MMP26: variants seen among roughly 807,000 people sequenced by gnomAD.
The protein encoded by MMP26 is matrix metallopeptidase 26, also known as matrix metalloproteinase-26.
MMP26 carries 33 observed loss-of-function variants against 31.0 expected under a neutral mutation model. The observed-to-expected ratio is 1.06, with a 90% CI of 0.81 to 1.42. The LOEUF is 1.42. Ranked by LOEUF, MMP26 falls within the 40% of genes most tolerant of loss-of-function variation. The pLI is 0.00. For synonymous variants in MMP26, 122 were observed against 114.9 expected, an observed-to-expected ratio of 1.06 and a Z score of -0.40; for missense variants, 347 against 316.1, an observed-to-expected ratio of 1.10 and a Z score of -0.74.
intron 2 of MMP26, among the ~76,000 whole-genome samples, chr11:4,935,014 C>T (rs1851412986): frequency 1.3e-5 from 2 of 151,730 alleles, no homozygotes; most frequent in East Asian, 1.9e-4. Flanking sequence ...TAGTGTGATG[C>T]CTCCAGCTTT....
At chr11:4,763,086 T>C (rs6578525) in intron 1 of MMP26, among the ~76,000 whole-genome samples, 32,923 of 152,044 alleles carry the variant, frequency 0.22, 5,079 homozygotes, top group African/African-American at 0.44. Flanking sequence ...ACATCTATGT[T>C]GAAAATAAGT....
At chr11:4,804,549 T>TATGTTACAACATGACATG in intron 2 of MMP26, 1 of 781,430 alleles carries the variant, frequency 1.3e-6, no homozygotes, top group Non-Finnish European at 2.4e-6. Flanking sequence ...TAATAAATAA[T>TATGTTACAACATGACATG]ATGTTACAAC....
chr11:4,840,626 G>A (rs969368498), intron 2 of MMP26, among the ~76,000 whole-genome samples: 1 of 152,196 alleles, frequency 6.6e-6, no homozygotes, highest in Admixed American at 6.5e-5. Flanking sequence ...TGGGCTTGGG[G>A]TTACCCCTAA....
chr11:4,773,756 A>G (rs1303518191), intron 2 of MMP26, among the ~76,000 whole-genome samples: 3 of 152,016 alleles, frequency 2.0e-5, no homozygotes, highest in African/African-American at 7.3e-5. Flanking sequence ...CCCAGAATGC[A>G]TTAGCTATTT....
intron 1 of MMP26, among the ~76,000 whole-genome samples, chr11:4,715,305 A>C (rs1050924579): frequency 6.6e-6 from 1 of 150,658 alleles, no homozygotes; most frequent in Non-Finnish European, 1.5e-5. Context: ...ATATCGTTTC[A>C]TCAAGCTGTT....
At chr11:4,884,545 T>C (rs977495612) in intron 2 of MMP26, among the ~76,000 whole-genome samples, 1 of 152,118 alleles carries the variant, frequency 6.6e-6, no homozygotes, top group Non-Finnish European at 1.5e-5. Flanking sequence ...GAGAGTATCA[T>C]ACTATGGCAG....
intron 2 of MMP26, among the ~76,000 whole-genome samples, chr11:4,985,426 T>G (rs1270116454): frequency 2.0e-5 from 3 of 152,202 alleles, no homozygotes; most frequent in Non-Finnish European, 4.4e-5. Flanking sequence ...TCTTGCCTTT[T>G]TCAGATTAAC....
At chr11:4,816,451 G>A (rs1231462908) in intron 2 of MMP26, among the ~76,000 whole-genome samples, 2 of 151,862 alleles carry the variant, frequency 1.3e-5, no homozygotes, top group East Asian at 1.9e-4. Flanking sequence ...CTGAAAGTAG[G>A]ATGTTGAAGT....
At chr11:4,771,499 C>T (rs1226116433) in intron 2 of MMP26, among the ~76,000 whole-genome samples, 1 of 152,144 alleles carries the variant, frequency 6.6e-6, no homozygotes, top group Non-Finnish European at 1.5e-5. Flanking sequence ...GCAATTGGCT[C>T]AGTAAACAGA....
chr11:4,858,729 G>C (rs1299148733), intron 2 of MMP26, among the ~76,000 whole-genome samples: 1 of 152,056 alleles, frequency 6.6e-6, no homozygotes, highest in African/African-American at 2.4e-5. Context: ...CTACTTTAAA[G>C]TTCATATGGA....
At chr11:4,853,111 AGT>A (rs1849998133) in intron 2 of MMP26, among the ~76,000 whole-genome samples, 1 of 152,150 alleles carries the variant, frequency 6.6e-6, no homozygotes, top group African/African-American at 2.4e-5. Flanking sequence ...AAGATGTGTA[AGT>A]GTTAGAGGCT....
intron 2 of MMP26, among the ~76,000 whole-genome samples, chr11:4,777,569 G>A (rs1464836494): frequency 6.6e-6 from 1 of 152,014 alleles, no homozygotes; most frequent in Admixed American, 6.6e-5. Context: ...TCCAGATAAA[G>A]AAATGAAAAA....
intron 2 of MMP26, among the ~76,000 whole-genome samples, chr11:4,894,267 A>G (rs1850670208): frequency 6.6e-6 from 1 of 152,194 alleles, no homozygotes. Context: ...TGATTTACAG[A>G]TTTGAAAACT....
At chr11:4,797,905 C>G (rs28397947) in intron 2 of MMP26, among the ~76,000 whole-genome samples, 2,942 of 152,168 alleles carry the variant, frequency 0.019, 51 homozygotes, top group South Asian at 0.069. Flanking sequence ...TTCCCATTCT[C>G]TGCCACTATT....
intron 2 of MMP26, among the ~76,000 whole-genome samples, chr11:4,883,222 A>C (rs1368503171): frequency 8.3e-6 from 1 of 120,086 alleles, no homozygotes; most frequent in Admixed American, 8.7e-5. Flanking sequence ...TTTTATTTTC[A>C]CATCCAGCTG....
intron 2 of MMP26, among the ~76,000 whole-genome samples, chr11:4,865,893 A>G (rs936155713): frequency 6.6e-6 from 1 of 152,168 alleles, no homozygotes; most frequent in Non-Finnish European, 1.5e-5. Flanking sequence ...TTGTTACAGA[A>G]GGGTTCTCCA....
chr11:4,873,582 A>G (rs1407502573), intron 2 of MMP26, among the ~76,000 whole-genome samples: 1 of 152,120 alleles, frequency 6.6e-6, no homozygotes, highest in Non-Finnish European at 1.5e-5. Flanking sequence ...ATATATATGA[A>G]AGTAGGTGCA....
At chr11:4,848,610 G>A (rs1378661147) in intron 2 of MMP26, 2 of 1,607,788 alleles carry the variant, frequency 1.2e-6, no homozygotes, top group Admixed American at 1.7e-5. Flanking sequence ...TGCACCCCAA[G>A]CTTCTGGGCA....
rs1364551768 is a variant in MMP26 at position 4,949,780 on chromosome 11, T to TA, written c.-144-38282dup. 5.7e-5 allele frequency among the ~76,000 whole-genome samples: 7 copies of TA among 121,830 alleles called. 3 individuals are homozygous for TA. Among genetic ancestry groups the TA allele is most frequent in the Non-Finnish European group, 9.3e-5 (5 of 53,684 alleles). The allele number at this position is 121,830 out of a possible 152,430, so 79.9% of individuals were successfully genotyped here. ...AGAAATTTCATTCCTTAACAAGTTTTAAAAAATCCATAATTTAACAAAACT... is the reference window on the plus strand; with the variant it reads ...AGAAATTTCATTCCTTAACAAGTTTTAAAAAAATCCATAATTTAACAAAACT... On this transcript the variant is annotated intron_variant, in intron 2 of 7. Coordinates refer to ENST00000380390, the MANE Select transcript of MMP26 (RefSeq NM_021801.5).
Sources: allele counts gnomAD v4.1 joint callset (sites outside exome capture counted in the v4.1 genomes callset), GRCh38; gene constraint gnomAD v4.1.1; transcripts MANE v1.5; gene names NCBI Gene and HGNC (gene_info 2026-07-23, HGNC 2026-07-21).